The following CSMD1 variants were observed in gnomAD, a reference collection of about 807,000 sequenced individuals.
The protein encoded by CSMD1 is CUB and Sushi multiple domains 1.
Under a neutral mutation model 417.5 loss-of-function variants are expected in CSMD1, and 213 were observed. That is an observed-to-expected ratio of 0.51 (90% confidence interval 0.46 to 0.57). The LOEUF (loss-of-function observed/expected upper bound fraction) is 0.57. Among genes scored for constraint, CSMD1 ranks in the 20% least tolerant of loss-of-function variants. The pLI is 0.00. For missense variants in CSMD1, 6,923 were observed against 4,529.7 expected (o/e 1.53, Z -15.17); for synonymous variants, 2,862 against 1,736.8 (o/e 1.65, Z -16.11).
At chr8:3,996,741 T>A (rs1449079479) in intron 5 of CSMD1, among the ~76,000 whole-genome samples, 1 of 152,214 alleles carries the variant, frequency 6.6e-6, no homozygotes, top group Non-Finnish European at 1.5e-5. Context: ...TTTGTTTGGT[T>A]TCTTCCTCCC....
intron 26 of CSMD1, among the ~76,000 whole-genome samples, chr8:3,239,529 T>G (rs562512260): frequency 1.3e-5 from 2 of 152,176 alleles, no homozygotes; most frequent in Non-Finnish European, 2.9e-5. Flanking sequence ...TTGCCAGTCT[T>G]GGGCAGGGGC....
At chr8:2,955,889 TATATATACAC>T (rs1245249465) in intron 63 of CSMD1, 121 bp from the exon 64 acceptor site, 3 of 678,130 alleles carry the variant, frequency 4.4e-6, no homozygotes, top group Non-Finnish European at 7.2e-6. Flanking sequence ...TATATATACA[TATATATACAC>T]ATATATATGT....
intron 9 of CSMD1, among the ~76,000 whole-genome samples, chr8:3,579,969 T>C (rs374053966): frequency 6.6e-6 from 1 of 152,028 alleles, no homozygotes; most frequent in East Asian, 1.9e-4. Context: ...CTGGGTGTGG[T>C]GGCAGGTGAC....
intron 27 of CSMD1, among the ~76,000 whole-genome samples, chr8:3,229,831 G>GTA (rs1798729006): frequency 6.6e-6 from 1 of 152,118 alleles, no homozygotes; most frequent in Admixed American, 6.5e-5. Context: ...GTCAATTACT[G>GTA]TACCTTAAGG....
intron 2 of CSMD1, among the ~76,000 whole-genome samples, chr8:4,571,486 A>G (rs1032140053): frequency 6.6e-6 from 1 of 152,166 alleles, no homozygotes; most frequent in Non-Finnish European, 1.5e-5. Flanking sequence ...TTCTAATTTG[A>G]TTGCACTGTG....
chr8:4,170,260 C>A (rs11987484), intron 3 of CSMD1, among the ~76,000 whole-genome samples: 5,096 of 151,832 alleles, frequency 0.034, 435 homozygotes, highest in African/African-American at 0.12. Flanking sequence ...TTTTGAATTA[C>A]CCCCTTGCCT....
intron 62 of CSMD1, among the ~76,000 whole-genome samples, chr8:2,960,810 G>C (rs1430140246): frequency 6.6e-6 from 1 of 151,718 alleles, no homozygotes; most frequent in Non-Finnish European, 1.5e-5. Flanking sequence ...CCCAATCTGA[G>C]AACTGCCGTG....
intron 1 of CSMD1, among the ~76,000 whole-genome samples, chr8:4,834,973 A>G (rs867667859): frequency 2.7e-4 from 11 of 40,224 alleles, no homozygotes; most frequent in Admixed American, 5.1e-4. Flanking sequence ...AAAAAAAAAA[A>G]AAAAAAAGAA....
chr8:4,213,984 C>A (rs1235098977), intron 3 of CSMD1, among the ~76,000 whole-genome samples: 1 of 152,110 alleles, frequency 6.6e-6, no homozygotes, highest in East Asian at 1.9e-4. Flanking sequence ...TCTTTCAAGG[C>A]ACACAAACAG....
intron 3 of CSMD1, among the ~76,000 whole-genome samples, chr8:4,044,570 G>C (rs542026222): frequency 1.3e-5 from 2 of 152,146 alleles, no homozygotes; most frequent in Admixed American, 1.3e-4. Context: ...GGCAGAGCTC[G>C]GTCACCGGAA....
intron 1 of CSMD1, among the ~76,000 whole-genome samples, chr8:4,968,764 T>C (rs1007460906): frequency 2.6e-5 from 4 of 152,062 alleles, no homozygotes; most frequent in African/African-American, 9.7e-5. Flanking sequence ...GTCTCTTCTT[T>C]ACCAAAAATA....
At chr8:4,610,723 A>G (rs1248675682) in intron 2 of CSMD1, among the ~76,000 whole-genome samples, 1 of 152,230 alleles carries the variant, frequency 6.6e-6, no homozygotes, top group East Asian at 1.9e-4. Context: ...ACAGCTTTGC[A>G]AATGGTTCTT....
chr8:3,935,457 T>G (rs1458190777), intron 5 of CSMD1, among the ~76,000 whole-genome samples: 1 of 152,194 alleles, frequency 6.6e-6, no homozygotes, highest in African/African-American at 2.4e-5. Flanking sequence ...AACCCGACAT[T>G]AAACAGGTCT....
rs1156496833 is a variant in CSMD1 at position 2,949,387 on chromosome 8, C to G, written c.10315-1G>C. ...CTCCTCTTTCAAGTCCAGATGACACCTGACACATAGGAAAGAAAAGAAAAG... is the reference window on the plus strand; with the variant it reads ...CTCCTCTTTCAAGTCCAGATGACACGTGACACATAGGAAAGAAAAGAAAAG... On this transcript the variant is annotated splice_acceptor_variant, in intron 67 of 69. Transcript: ENST00000635120. LOFTEE classifies it high-confidence loss of function. 3.2e-6 allele frequency: 4 copies of G among 1,265,400 alleles called. No homozygotes were observed. Among genetic ancestry groups the G allele is most frequent in the African/African-American group, 1.7e-5 (1 of 60,160 alleles). The allele number at this position is 1,265,400 out of a possible 1,614,324, so 78.4% of individuals were successfully genotyped here.
At chr8:3,694,158 G>A (rs556401613) in intron 7 of CSMD1, among the ~76,000 whole-genome samples, 1 of 151,930 alleles carries the variant, frequency 6.6e-6, no homozygotes, top group Non-Finnish European at 1.5e-5. Context: ...TGCTGGAGAG[G>A]GGCTCACAGA....
At chr8:4,001,105 C>T (rs1487803675) in intron 4 of CSMD1, among the ~76,000 whole-genome samples, 2 of 151,336 alleles carry the variant, frequency 1.3e-5, no homozygotes, top group East Asian at 1.9e-4. Context: ...TCATGGCAGT[C>T]GATGAGCTGA....
At chr8:4,678,421 A>G in intron 1 of CSMD1, among the ~76,000 whole-genome samples, 1 of 152,150 alleles carries the variant, frequency 6.6e-6, no homozygotes, top group East Asian at 1.9e-4. Flanking sequence ...AACAACAAAA[A>G]AAAAGAATTT....
intron 1 of CSMD1, among the ~76,000 whole-genome samples, chr8:4,973,135 A>T (rs1179088339): frequency 9.2e-5 from 14 of 152,190 alleles, no homozygotes; most frequent in Admixed American, 9.2e-4. Flanking sequence ...TATAAAACAC[A>T]CCAAGAAATA....
At chr8:4,215,343 G>A (rs1800601319) in intron 3 of CSMD1, among the ~76,000 whole-genome samples, 1 of 152,126 alleles carries the variant, frequency 6.6e-6, no homozygotes, top group African/African-American at 2.4e-5. Flanking sequence ...GATGTCCACA[G>A]ATGGCACTTC....
Sources: allele counts gnomAD v4.1 joint callset (sites outside exome capture counted in the v4.1 genomes callset), GRCh38; gene constraint gnomAD v4.1.1; transcripts MANE v1.5; gene names NCBI Gene and HGNC (gene_info 2026-07-23, HGNC 2026-07-21).